Variants in SLC44A5 observed in about 807,000 individuals in gnomAD.
The protein encoded by SLC44A5 is solute carrier family 44 member 5.
Under a neutral mutation model 101.8 loss-of-function variants are expected in SLC44A5, and 57 were observed. The ratio of observed to expected loss-of-function variants is 0.56; its 90% CI spans 0.45 to 0.70. SLC44A5 has a LOEUF of 0.70. SLC44A5 is among the 30% of genes least tolerant of loss of function. The pLI is 0.00. For missense variants in SLC44A5, 737 were observed against 853.1 expected, an observed-to-expected ratio of 0.86 and a Z score of 1.70; for synonymous variants, 281 against 290.9, an observed-to-expected ratio of 0.97 and a Z score of 0.35.
chr1:75,632,895 C>A, the SLC44A5 span, among the ~76,000 whole-genome samples: 3 of 152,124 alleles, frequency 2.0e-5, no homozygotes, highest in African/African-American at 7.2e-5. Flanking sequence ...TTAGTGTCTG[C>A]AAAACACTTA....
At chr1:75,279,872 C>T (rs1652257912) in intron 5 of SLC44A5, among the ~76,000 whole-genome samples, 2 of 151,746 alleles carry the variant, frequency 1.3e-5, no homozygotes, top group Admixed American at 1.3e-4. Flanking sequence ...GTACATTCTA[C>T]CCAATGTGTA....
At chr1:75,486,214 G>C (rs1668141688) in intron 2 of SLC44A5, among the ~76,000 whole-genome samples, 2 of 152,114 alleles carry the variant, frequency 1.3e-5, no homozygotes, top group African/African-American at 2.4e-5. Context: ...CTGTTGCTAA[G>C]AGAATCTGAG....
At chr1:75,230,373 G>A (rs1426747702) in intron 12 of SLC44A5, among the ~76,000 whole-genome samples, 2 of 150,794 alleles carry the variant, frequency 1.3e-5, no homozygotes, top group African/African-American at 2.4e-5. Context: ...TCAGCCTCCC[G>A]AGTAGCTGGG....
intron 2 of SLC44A5, among the ~76,000 whole-genome samples, chr1:75,484,893 CCTTTTAGCCACAA>C (rs1253586254): frequency 6.6e-6 from 1 of 152,230 alleles, no homozygotes; most frequent in Non-Finnish European, 1.5e-5. Context: ...TTCCTTGGCC[CCTTTTAGCCACAA>C]CTGGAGCTGG....
chr1:75,576,995 C>T (rs958832575), intron 1 of SLC44A5, among the ~76,000 whole-genome samples: 2 of 152,186 alleles, frequency 1.3e-5, no homozygotes, highest in African/African-American at 4.8e-5. Context: ...TCTTCCTTTC[C>T]TGAACCTGTT....
chr1:75,219,894 T>C lies in SLC44A5; in HGVS notation c.1086-2A>G. The C allele has an allele frequency of 6.3e-7, 1 of 1,585,858 alleles. No homozygotes were observed. The highest frequency in any genetic ancestry group is 8.6e-7 in the Non-Finnish European group (1 of 1,159,554). On this transcript the variant is annotated splice_acceptor_variant, in intron 14 of 23. Transcript: ENST00000370859. LOFTEE classifies it high-confidence loss of function. ...GTACTAGGAACATATCCAATGGCTC[T>C]GAAATAAAACAAATAGTTGAAATTC...
the SLC44A5 span, among the ~76,000 whole-genome samples, chr1:75,681,427 TC>T: frequency 6.6e-6 from 1 of 151,460 alleles, no homozygotes; most frequent in African/African-American, 2.4e-5. Flanking sequence ...GTGGGCTTCA[TC>T]CCTGGGATGC....
At chr1:75,563,032 T>A (rs1462119287) in intron 1 of SLC44A5, among the ~76,000 whole-genome samples, 1 of 152,214 alleles carries the variant, frequency 6.6e-6, no homozygotes, top group Non-Finnish European at 1.5e-5. Context: ...TTCTCTTTGA[T>A]ACGCAATCAT....
chr1:75,715,985 TA>T, the SLC44A5 span, among the ~76,000 whole-genome samples: 4 of 152,090 alleles, frequency 2.6e-5, no homozygotes, highest in Non-Finnish European at 4.4e-5. Flanking sequence ...ACAATTCCGT[TA>T]AAAAGTAAGC....
At chr1:75,383,890 G>A (rs11485320) in intron 3 of SLC44A5, among the ~76,000 whole-genome samples, 1,666 of 152,082 alleles carry the variant, frequency 0.011, 31 homozygotes, top group African/African-American at 0.038. Flanking sequence ...GGAGAGAGTG[G>A]GGGCCAATAT....
At chr1:75,426,477 C>T (rs1664313428) in intron 2 of SLC44A5, among the ~76,000 whole-genome samples, 1 of 152,096 alleles carries the variant, frequency 6.6e-6, no homozygotes, top group East Asian at 1.9e-4. Flanking sequence ...TGAAAGAAAG[C>T]AACACAATAG....
chr1:75,390,238 A>T (rs1237149349), intron 3 of SLC44A5, among the ~76,000 whole-genome samples: 1 of 152,112 alleles, frequency 6.6e-6, no homozygotes, highest in Non-Finnish European at 1.5e-5. Flanking sequence ...TATAAAGAAG[A>T]GCTGGTACCA....
At chr1:75,329,188 T>C (rs1656834798) in intron 4 of SLC44A5, among the ~76,000 whole-genome samples, 1 of 152,200 alleles carries the variant, frequency 6.6e-6, no homozygotes, top group African/African-American at 2.4e-5. Context: ...GACTCCTCCC[T>C]GCTGGATAGC....
chr1:75,604,567 G>T (rs1411791752), intron 1 of SLC44A5, among the ~76,000 whole-genome samples: 1 of 151,980 alleles, frequency 6.6e-6, no homozygotes, highest in Non-Finnish European at 1.5e-5. Flanking sequence ...AAATGCCATT[G>T]GTAGCTTCAT....
At chr1:75,386,094 C>G (rs1475109352) in intron 3 of SLC44A5, among the ~76,000 whole-genome samples, 3 of 151,314 alleles carry the variant, frequency 2.0e-5, no homozygotes, top group Non-Finnish European at 4.4e-5. Flanking sequence ...AAACCCACAG[C>G]CAATATCATA....
intron 2 of SLC44A5, among the ~76,000 whole-genome samples, chr1:75,451,125 C>G (rs1346017227): frequency 6.6e-6 from 1 of 152,178 alleles, no homozygotes; most frequent in Non-Finnish European, 1.5e-5. Flanking sequence ...TCCCTTGGGA[C>G]TGGTGCTTGT....
chr1:75,319,291 G>GCATTT (rs1655956611), intron 4 of SLC44A5, among the ~76,000 whole-genome samples: 1 of 152,076 alleles, frequency 6.6e-6, no homozygotes, highest in Admixed American at 6.6e-5. Flanking sequence ...ACAGGAAATA[G>GCATTT]CATTTGTTGT....
intron 2 of SLC44A5, among the ~76,000 whole-genome samples, chr1:75,509,149 A>G (rs373794526): frequency 4.6e-5 from 7 of 152,230 alleles, no homozygotes; most frequent in South Asian, 4.1e-4. Flanking sequence ...CGTGCTTCAC[A>G]CTGAGATAAA....
intron 2 of SLC44A5, among the ~76,000 whole-genome samples, chr1:75,430,106 C>T (rs1222520069): frequency 1.3e-5 from 2 of 152,116 alleles, no homozygotes; most frequent in Non-Finnish European, 2.9e-5. Context: ...GAAACTTAAT[C>T]CTCAGTGCAG....
Sources: allele counts gnomAD v4.1 joint callset (sites outside exome capture counted in the v4.1 genomes callset), GRCh38; gene constraint gnomAD v4.1.1; transcripts MANE v1.5; gene names NCBI Gene and HGNC (gene_info 2026-07-23, HGNC 2026-07-21).